SCHIP1: variants seen among roughly 807,000 people sequenced by gnomAD.
SCHIP1 encodes schwannomin-interacting protein 1.
SCHIP1 carries 8 observed loss-of-function variants against 29.7 expected under a neutral mutation model. The observed-to-expected ratio is 0.27, with a 90% CI of 0.16 to 0.49. SCHIP1 has a LOEUF of 0.49. Among genes scored for constraint, SCHIP1 ranks in the 20% least tolerant of loss-of-function variants. SCHIP1 has a pLI of 0.99. For synonymous variants in SCHIP1, 76 were observed against 94.9 expected (o/e 0.80, Z 1.16); for missense variants, 193 against 294.6 (o/e 0.66, Z 2.52).
chr3:159,424,594 G>A, the SCHIP1 span, among the ~76,000 whole-genome samples: 198 of 152,308 alleles, frequency 1.3e-3, 3 homozygotes, highest in South Asian at 0.031. Flanking sequence ...CGGGGAGAAC[G>A]GAACCAAGTT....
At chr3:159,876,734 T>A (rs1320289811) in intron 2 of SCHIP1, among the ~76,000 whole-genome samples, 1 of 152,348 alleles carries the variant, frequency 6.6e-6, no homozygotes, top group Admixed American at 6.5e-5. Flanking sequence ...CATATGTTTC[T>A]TGTGCACAAA....
chr3:159,612,169 T>C, the SCHIP1 span, among the ~76,000 whole-genome samples: 1 of 152,064 alleles, frequency 6.6e-6, no homozygotes, highest in East Asian at 1.9e-4. Flanking sequence ...GCAGAAATAA[T>C]GGCCATAAGA....
the SCHIP1 span, among the ~76,000 whole-genome samples, chr3:159,463,335 GT>G: frequency 6.6e-6 from 1 of 152,080 alleles, no homozygotes; most frequent in Non-Finnish European, 1.5e-5. Context: ...GTAGAATTTA[GT>G]TGATATTTAC....
chr3:159,759,388 C>A, the SCHIP1 span, among the ~76,000 whole-genome samples: 2 of 152,168 alleles, frequency 1.3e-5, no homozygotes, highest in African/African-American at 4.8e-5. Flanking sequence ...CTTTGTATCA[C>A]CCAACAAGGA....
At chr3:159,763,007 C>A in the SCHIP1 span, among the ~76,000 whole-genome samples, 3 of 152,216 alleles carry the variant, frequency 2.0e-5, no homozygotes, top group Middle Eastern at 3.2e-3. Flanking sequence ...TCCCCTGTCT[C>A]CTTGCCAGGC....
chr3:159,701,550 T>C, the SCHIP1 span, among the ~76,000 whole-genome samples: 4 of 152,206 alleles, frequency 2.6e-5, no homozygotes, highest in African/African-American at 9.6e-5. Context: ...TTTATTTTCC[T>C]TTATAACCTA....
chr3:159,748,738 C>G, the SCHIP1 span, among the ~76,000 whole-genome samples: 1 of 152,132 alleles, frequency 6.6e-6, no homozygotes, highest in East Asian at 1.9e-4. Context: ...TGGACTTGCC[C>G]CTATTTAAAT....
the SCHIP1 span, chr3:159,721,948 A>C: frequency 7.3e-6 from 3 of 410,778 alleles, no homozygotes; most frequent in African/African-American, 6.2e-5. Flanking sequence ...TCATAAAGGC[A>C]GTCCTCTGTG....
the SCHIP1 span, among the ~76,000 whole-genome samples, chr3:159,491,425 C>T: frequency 4.6e-5 from 7 of 152,310 alleles, no homozygotes; most frequent in Middle Eastern, 3.4e-3. Context: ...GCTTTTCCAA[C>T]GGGTTTAACA....
At chr3:159,795,789 C>A in the SCHIP1 span, among the ~76,000 whole-genome samples, 1 of 152,198 alleles carries the variant, frequency 6.6e-6, no homozygotes, top group Admixed American at 6.5e-5. Context: ...ATTATGGAGA[C>A]AAGGAAGAGC....
At chr3:159,677,612 C>T in the SCHIP1 span, among the ~76,000 whole-genome samples, 1 of 152,160 alleles carries the variant, frequency 6.6e-6, no homozygotes, top group Admixed American at 6.5e-5. Context: ...TTGAAAACTT[C>T]TAAATATTTA....
chr3:159,436,001 C>CT, the SCHIP1 span, among the ~76,000 whole-genome samples: 98 of 152,184 alleles, frequency 6.4e-4, no homozygotes, highest in Non-Finnish European at 1.3e-3. Flanking sequence ...TAAGAACCTC[C>CT]TAAGTGTGTG....
At chr3:159,468,751 A>AT in the SCHIP1 span, among the ~76,000 whole-genome samples, 3 of 119,230 alleles carry the variant, frequency 2.5e-5, no homozygotes, top group Non-Finnish European at 3.6e-5. Context: ...TATAATATAT[A>AT]ATATAATATA....
the SCHIP1 span, among the ~76,000 whole-genome samples, chr3:159,287,031 T>C: frequency 6.6e-6 from 1 of 152,202 alleles, no homozygotes; most frequent in Non-Finnish European, 1.5e-5. Context: ...CTGTTTACTC[T>C]GGTGATAGTT....
the SCHIP1 span, among the ~76,000 whole-genome samples, chr3:159,704,849 ATTCC>A: frequency 6.9e-6 from 1 of 145,400 alleles, no homozygotes; most frequent in Non-Finnish European, 1.5e-5. Flanking sequence ...CTTCTTTTTT[ATTCC>A]TTCCTTCCTT....
At chr3:159,815,714 A>G in the SCHIP1 span, among the ~76,000 whole-genome samples, 2 of 152,090 alleles carry the variant, frequency 1.3e-5, no homozygotes, top group African/African-American at 4.8e-5. Flanking sequence ...CTCCCCTTCT[A>G]TGCCAGTTCT....
chr3:159,860,409 G>A (rs1713920521), intron 1 of SCHIP1, among the ~76,000 whole-genome samples: 1 of 152,150 alleles, frequency 6.6e-6, no homozygotes, highest in South Asian at 2.1e-4. Context: ...CCCTGTCTTT[G>A]ATTTAGAACA....
chr3:159,498,372 A>G, the SCHIP1 span, among the ~76,000 whole-genome samples: 1 of 152,210 alleles, frequency 6.6e-6, no homozygotes, highest in Non-Finnish European at 1.5e-5. Context: ...ATTCCTTGTA[A>G]GAGAAAATTG....
the SCHIP1 span, among the ~76,000 whole-genome samples, chr3:159,543,117 GTA>G: frequency 0.34 from 50,442 of 147,796 alleles, 8,634 homozygotes; most frequent in Admixed American, 0.4. Context: ...ATACATGTGT[GTA>G]TATATATATA....
Sources: allele counts gnomAD v4.1 joint callset (sites outside exome capture counted in the v4.1 genomes callset), GRCh38; gene constraint gnomAD v4.1.1; transcripts MANE v1.5; gene names NCBI Gene and HGNC (gene_info 2026-07-23, HGNC 2026-07-21).